Variants in SH3GL2 observed in about 807,000 individuals in gnomAD.
SH3GL2 encodes SH3 domain containing GRB2 like 2, endophilin A1.
A neutral mutation model predicts 46.0 loss-of-function variants in SH3GL2; 24 were observed. That is an observed-to-expected ratio of 0.52 (90% CI 0.38 to 0.73). The LOEUF is 0.73. Among genes scored for constraint, SH3GL2 ranks in the 30% least tolerant of loss-of-function variants. SH3GL2 has a pLI of 0.00. For missense variants in SH3GL2, 413 were observed against 424.2 expected (o/e 0.97, Z 0.23); for synonymous variants, 196 against 147.1 (o/e 1.33, Z -2.40).
intron 3 of SH3GL2, among the ~76,000 whole-genome samples, chr9:17,769,250 T>C (rs898453954): frequency 6.6e-6 from 1 of 152,246 alleles, no homozygotes; most frequent in Non-Finnish European, 1.5e-5. Flanking sequence ...GCTACCGAAA[T>C]GCAGTGACGC....
At chr9:17,625,613 A>G (rs988245443) in intron 1 of SH3GL2, among the ~76,000 whole-genome samples, 2 of 152,250 alleles carry the variant, frequency 1.3e-5, no homozygotes, top group Admixed American at 6.5e-5. Context: ...TCTTTTCCTT[A>G]GTAGCAAAGA....
chr9:17,794,882 A>T (rs1331136933), intron 8 of SH3GL2, among the ~76,000 whole-genome samples: 1 of 152,276 alleles, frequency 6.6e-6, no homozygotes, highest in Non-Finnish European at 1.5e-5. Context: ...TAGTAGCCAC[A>T]GTAGTAATGT....
At chr9:17,638,170 A>G (rs1254009256) in intron 1 of SH3GL2, among the ~76,000 whole-genome samples, 2 of 152,038 alleles carry the variant, frequency 1.3e-5, no homozygotes, top group African/African-American at 4.8e-5. Flanking sequence ...AAAAAAACAA[A>G]AAAACAAAAA....
At chr9:17,790,470 G>C (rs773972082) in intron 6 of SH3GL2, 4 of 968,122 alleles carry the variant, frequency 4.1e-6, no homozygotes, top group Non-Finnish European at 4.9e-6. Context: ...AGACAGTGTA[G>C]GTTTTTGTTT....
intron 1 of SH3GL2, among the ~76,000 whole-genome samples, chr9:17,594,137 A>G (rs535231222): frequency 6.6e-6 from 1 of 152,116 alleles, no homozygotes; most frequent in African/African-American, 2.4e-5. Flanking sequence ...GGCTCCCAGG[A>G]TAGGTCCCTC....
intron 1 of SH3GL2, among the ~76,000 whole-genome samples, chr9:17,639,368 C>G (rs967925343): frequency 1.3e-5 from 2 of 151,946 alleles, no homozygotes; most frequent in Admixed American, 6.6e-5. Flanking sequence ...AACAGACAAC[C>G]CAATAAAAAT....
chr9:17,769,362 C>T (rs1823406814), intron 3 of SH3GL2, among the ~76,000 whole-genome samples: 1 of 152,158 alleles, frequency 6.6e-6, no homozygotes, highest in African/African-American at 2.4e-5. Flanking sequence ...ATGATTTGTT[C>T]ACTATACTGC....
intron 8 of SH3GL2, among the ~76,000 whole-genome samples, chr9:17,795,276 G>A (rs960910256): frequency 2.6e-5 from 4 of 152,194 alleles, no homozygotes; most frequent in African/African-American, 9.7e-5. Flanking sequence ...AAGAATAGAT[G>A]TGACTGTTTT....
chr9:17,637,286 G>T (rs1413050313), intron 1 of SH3GL2, among the ~76,000 whole-genome samples: 1 of 152,168 alleles, frequency 6.6e-6, no homozygotes, highest in East Asian at 1.9e-4. Flanking sequence ...GAATGAAAAT[G>T]GAAATGGTTG....
chr9:17,786,995 A>G (rs1477856133), intron 4 of SH3GL2, among the ~76,000 whole-genome samples: 1 of 152,110 alleles, frequency 6.6e-6, no homozygotes, highest in African/African-American at 2.4e-5. Flanking sequence ...TACCACACCC[A>G]ACATCTTCTA....
chr9:17,747,027 C>G, intron 1 of SH3GL2, 39 bp from the exon 2 acceptor site: 4 of 1,349,014 alleles, frequency 3.0e-6, no homozygotes, highest in Non-Finnish European at 3.1e-6. Context: ...TTTAAAGAAA[C>G]TGTTTATAAT....
rs57611978 is a variant in SH3GL2, at chr9:17,645,151, C to CTTTTTTTTTTTTTTTTTTTT, written c.45+65876_45+65895dup. Among the ~76,000 whole-genome samples, 9 of 68,774 alleles carry CTTTTTTTTTTTTTTTTTTTT rather than the reference C, an allele frequency of 1.3e-4. 2 individuals carry two copies. The highest frequency in any genetic ancestry group is 9.1e-4 in the South Asian group (2 of 2,196). 45.1% of individuals were successfully genotyped at this position (68,774 alleles called of 152,430 possible). ...TCAGAGACTAGGATTGCAAACGCTGCTTTTTTTTTTTTTTTTTTTTTTTTT... is the reference window on the plus strand; with the variant it reads ...TCAGAGACTAGGATTGCAAACGCTGCTTTTTTTTTTTTTTTTTTTTTTTTTTTTTTTTTTTTTTTTTTTTT... On this transcript the variant is annotated intron_variant, in intron 1 of 8. Transcript: ENST00000380607.
chr9:17,644,308 C>T (rs116985384), intron 1 of SH3GL2, among the ~76,000 whole-genome samples: 4,303 of 151,634 alleles, frequency 0.028, 86 homozygotes, highest in Admixed American at 0.077. Flanking sequence ...ATTGATTTTT[C>T]GAAGGGTTTT....
intron 1 of SH3GL2, among the ~76,000 whole-genome samples, chr9:17,647,175 A>G (rs1819839466): frequency 6.6e-6 from 1 of 152,216 alleles, no homozygotes; most frequent in Non-Finnish European, 1.5e-5. Flanking sequence ...CAGATCACAT[A>G]TCTAAATTGA....
chr9:17,697,981 C>T (rs1380787441), intron 1 of SH3GL2, among the ~76,000 whole-genome samples: 1 of 152,220 alleles, frequency 6.6e-6, no homozygotes, highest in Non-Finnish European at 1.5e-5. Context: ...TTTCTGCGTT[C>T]CGTTTGTCTG....
At chr9:17,623,661 A>G (rs1819209762) in intron 1 of SH3GL2, among the ~76,000 whole-genome samples, 1 of 151,880 alleles carries the variant, frequency 6.6e-6, no homozygotes, top group East Asian at 1.9e-4. Flanking sequence ...CCATTTATTT[A>G]TCTAATTCAC....
Position 17,584,989 on chromosome 9 carries a change from A to G in SH3GL2, c.45+5702A>G, listed in dbSNP as rs142126187. ...TAAAGTAACCTGCAAATTAATTAGA[A>G]GTACCCTAGAAAATGGCAAGACTTG... On this transcript the variant is annotated intron_variant, in intron 1 of 8. Coordinates refer to ENST00000380607, the MANE Select transcript of SH3GL2 (RefSeq NM_003026.5). Among the ~76,000 whole-genome samples, 636 of 152,328 alleles carry G rather than the reference A, an allele frequency of 4.2e-3. 8 individuals carry two copies. The highest frequency in any genetic ancestry group is 0.015 in the African/African-American group (605 of 41,562).
intron 1 of SH3GL2, among the ~76,000 whole-genome samples, chr9:17,628,726 C>G (rs1819350637): frequency 6.6e-6 from 1 of 151,628 alleles, no homozygotes; most frequent in African/African-American, 2.4e-5. Context: ...TTTTTTCTAG[C>G]TCAAGGGAGA....
At chr9:17,715,717 C>T (rs1455705589) in intron 1 of SH3GL2, among the ~76,000 whole-genome samples, 1 of 151,346 alleles carries the variant, frequency 6.6e-6, no homozygotes, top group Non-Finnish European at 1.5e-5. Context: ...ATGGGCATCG[C>T]ATTATGTCCA....
Sources: gnomAD v4.1 joint callset for allele counts (sites outside exome capture counted in the v4.1 genomes callset) on GRCh38, gnomAD v4.1.1 for gene constraint, MANE v1.5 for transcripts, NCBI Gene and HGNC (gene_info 2026-07-23, HGNC 2026-07-21) for gene names.